GALNT2: variants seen among roughly 807,000 people sequenced by gnomAD.
The protein encoded by GALNT2 is polypeptide N-acetylgalactosaminyltransferase 2.
Under a neutral mutation model 81.4 loss-of-function variants are expected in GALNT2, and 31 were observed. That is an observed-to-expected ratio of 0.38 (90% confidence interval 0.29 to 0.51). The LOEUF is 0.51. GALNT2 is among the 20% of genes least tolerant of loss of function. The probability of loss-of-function intolerance (pLI) is 0.87; values close to 1 mark genes in which losing one functional copy is unlikely to be tolerated. For missense variants in GALNT2, 629 were observed against 765.7 expected, an observed-to-expected ratio of 0.82 and a Z score of 2.11; for synonymous variants, 303 against 287.4, an observed-to-expected ratio of 1.05 and a Z score of -0.55.
chr1:230,082,069 C>G (rs1434167790), intron 1 of GALNT2, among the ~76,000 whole-genome samples: 1 of 152,216 alleles, frequency 6.6e-6, no homozygotes, highest in Non-Finnish European at 1.5e-5. Context: ...ACCTGCAGGT[C>G]AGTGGTGACA....
intron 1 of GALNT2, among the ~76,000 whole-genome samples, chr1:230,075,269 G>T (rs1040788054): frequency 6.7e-6 from 1 of 148,888 alleles, no homozygotes; most frequent in Non-Finnish European, 1.5e-5. Flanking sequence ...AGGATTACAG[G>T]CACCTACCAC....
At chr1:230,158,081 C>T (rs549241607) in intron 1 of GALNT2, among the ~76,000 whole-genome samples, 1 of 152,154 alleles carries the variant, frequency 6.6e-6, no homozygotes, top group Non-Finnish European at 1.5e-5. Context: ...CAGAACTGAG[C>T]ACAGATCAGG....
At chr1:230,113,626 C>T (rs1660763250) in intron 1 of GALNT2, among the ~76,000 whole-genome samples, 1 of 152,092 alleles carries the variant, frequency 6.6e-6, no homozygotes, top group Non-Finnish European at 1.5e-5. Flanking sequence ...CTGAGTGGCT[C>T]TTGAGGAGCT....
chr1:230,263,806 A>G (rs1665951297), intron 13 of GALNT2: 2 of 152,264 alleles, frequency 1.3e-5, no homozygotes, highest in South Asian at 4.1e-4. Context: ...TATCTCCAGC[A>G]CAGTGCCTGC....
At chr1:230,061,213 TG>T (rs1220502953) in intron 1 of GALNT2, among the ~76,000 whole-genome samples, 4 of 151,906 alleles carry the variant, frequency 2.6e-5, no homozygotes, top group Non-Finnish European at 4.4e-5. Flanking sequence ...TGTGTGTGTG[TG>T]TGTGTGTGTG....
intron 13 of GALNT2, chr1:230,264,163 T>G (rs1456483947): frequency 6.6e-6 from 1 of 152,326 alleles, no homozygotes; most frequent in African/African-American, 2.4e-5. Flanking sequence ...GGCCCTGGTC[T>G]TCTTCCTGCC....
intron 1 of GALNT2, among the ~76,000 whole-genome samples, chr1:230,136,436 A>G (rs920609662): frequency 6.6e-6 from 1 of 152,032 alleles, no homozygotes; most frequent in Non-Finnish European, 1.5e-5. Flanking sequence ...CATCGAACCT[A>G]ATGTTTCAAA....
intron 3 of GALNT2, among the ~76,000 whole-genome samples, chr1:230,215,683 C>T (rs1664368262): frequency 6.6e-6 from 1 of 152,178 alleles, no homozygotes; most frequent in African/African-American, 2.4e-5. Flanking sequence ...TTATTAATAG[C>T]TCAACCAGCT....
chr1:230,058,110 T>C (rs1324775695), intron 1 of GALNT2: 4 of 456,118 alleles, frequency 8.8e-6, no homozygotes, highest in Admixed American at 2.3e-5. Context: ...AGTACACGTA[T>C]GTCCTTAAGT....
At chr1:230,253,239 A>G (rs531776153) in intron 10 of GALNT2, among the ~76,000 whole-genome samples, 4 of 152,302 alleles carry the variant, frequency 2.6e-5, no homozygotes, top group South Asian at 2.1e-4. Context: ...TACATTTTCT[A>G]TTAGTACAAG....
At chr1:230,086,649 C>T (rs1659907014) in intron 1 of GALNT2, among the ~76,000 whole-genome samples, 1 of 152,200 alleles carries the variant, frequency 6.6e-6, no homozygotes, top group Non-Finnish European at 1.5e-5. Context: ...CTCACCCCTG[C>T]TCAGGACATA....
chr1:230,187,150 A>G (rs1037009261), intron 2 of GALNT2, among the ~76,000 whole-genome samples: 2 of 152,196 alleles, frequency 1.3e-5, no homozygotes, highest in East Asian at 3.8e-4. Context: ...CACAGAACCC[A>G]CTGACAGATG....
chr1:230,250,435 C>G (rs770957624), intron 9 of GALNT2, 22 bp from the exon 10 acceptor site: 9 of 1,595,584 alleles, frequency 5.6e-6, no homozygotes, highest in Admixed American at 3.3e-5. Flanking sequence ...CTCCCTCCCC[C>G]CTCTTCTTTC....
At chr1:230,110,300 T>C (rs1019220915) in intron 1 of GALNT2, among the ~76,000 whole-genome samples, 12 of 152,220 alleles carry the variant, frequency 7.9e-5, no homozygotes, top group African/African-American at 2.9e-4. Context: ...AAAGGATCTC[T>C]GTCTCTGCTC....
chr1:230,112,342 G>A (rs1023656997), intron 1 of GALNT2, among the ~76,000 whole-genome samples: 5 of 151,074 alleles, frequency 3.3e-5, no homozygotes, highest in African/African-American at 7.3e-5. Context: ...ACATGGGGTG[G>A]GTAGTTCTTA....
chr1:230,174,616 C>T (rs748001013), intron 1 of GALNT2, among the ~76,000 whole-genome samples: 26 of 152,148 alleles, frequency 1.7e-4, no homozygotes, highest in Non-Finnish European at 2.2e-4. Context: ...CGCACTCCTC[C>T]TGCTGCATTG....
At chr1:230,232,884 T>TC (rs773409015) in intron 3 of GALNT2, among the ~76,000 whole-genome samples, 3 of 152,018 alleles carry the variant, frequency 2.0e-5, no homozygotes, top group Admixed American at 2.0e-4. Flanking sequence ...CCTGCTTTTT[T>TC]CCCCCAGACA....
chr1:230,240,912 T>C (rs1242465824), intron 6 of GALNT2, among the ~76,000 whole-genome samples: 1 of 152,216 alleles, frequency 6.6e-6, no homozygotes, highest in Admixed American at 6.5e-5. Context: ...ATTTTTTCTC[T>C]GTCCACCAGA....
chr1:230,121,603 G>T (rs1571985947), intron 1 of GALNT2, among the ~76,000 whole-genome samples: 1 of 152,204 alleles, frequency 6.6e-6, no homozygotes, highest in Non-Finnish European at 1.5e-5. Flanking sequence ...CATTTCACAA[G>T]GCTTTGTTTT....
Sources: allele counts gnomAD v4.1 joint callset (sites outside exome capture counted in the v4.1 genomes callset), GRCh38; gene constraint gnomAD v4.1.1; transcripts MANE v1.5; gene names NCBI Gene and HGNC (gene_info 2026-07-23, HGNC 2026-07-21).